Variants in RNF220 observed in about 807,000 individuals in gnomAD.
RNF220 encodes E3 ubiquitin-protein ligase RNF220.
RNF220 carries 7 observed loss-of-function variants against 67.1 expected under a neutral mutation model. The ratio of observed to expected loss-of-function variants is 0.10; its 90% CI spans 0.06 to 0.20. The LOEUF is 0.20. Among genes scored for constraint, RNF220 ranks in the 10% least tolerant of loss-of-function variants. The pLI is 1.00. For missense variants in RNF220, 565 were observed against 740.3 expected, an observed-to-expected ratio of 0.76 and a Z score of 2.75; for synonymous variants, 270 against 283.2, an observed-to-expected ratio of 0.95 and a Z score of 0.47.
intron 2 of RNF220, among the ~76,000 whole-genome samples, chr1:44,483,312 A>G (rs1482024012): frequency 1.3e-5 from 2 of 152,206 alleles, no homozygotes; most frequent in South Asian, 2.1e-4. Flanking sequence ...ACCTTGCTCA[A>G]TGTCAGAAGC....
At chr1:44,595,495 T>C (rs1353949624) in intron 2 of RNF220, among the ~76,000 whole-genome samples, 1 of 152,172 alleles carries the variant, frequency 6.6e-6, no homozygotes, top group African/African-American at 2.4e-5. Context: ...AGCAGGGTTG[T>C]GTGCAGGCTG....
At chr1:44,468,372 T>C (rs998798041) in intron 2 of RNF220, among the ~76,000 whole-genome samples, 2 of 152,160 alleles carry the variant, frequency 1.3e-5, no homozygotes, top group African/African-American at 4.8e-5. Context: ...GTCTCTGATA[T>C]ATCTTGTGTC....
chr1:44,583,336 C>T (rs747353746), intron 2 of RNF220, among the ~76,000 whole-genome samples: 1 of 152,124 alleles, frequency 6.6e-6, no homozygotes, highest in Non-Finnish European at 1.5e-5. Flanking sequence ...CAGCACAGTC[C>T]TTGCCCTTGG....
intron 2 of RNF220, among the ~76,000 whole-genome samples, chr1:44,559,782 C>T (rs1010154539): frequency 6.6e-6 from 1 of 152,236 alleles, no homozygotes; most frequent in African/African-American, 2.4e-5. Flanking sequence ...GGGGACTTGG[C>T]CCACTTTAGA....
Position 44,649,461 on chromosome 1 carries a change from T to C in RNF220, c.1446-200T>C. ...TATCTGGTGTAGAAATTCATCCGAA[T>C]GGGAATGGAGGAATAGAGAGGGTGA... On this transcript the variant is annotated intron_variant, in intron 12 of 14. Transcript: ENST00000361799. This position sits in a 1 kb window ranked among gnomAD's most constrained non-coding sequence, Gnocchi z 5.9. 1.7e-6 allele frequency: 1 copy of C among 597,438 alleles called. No individual in the cohort carries two copies. The highest frequency in any genetic ancestry group is 2.0e-5 in the South Asian group (1 of 50,212). 37.0% of individuals were successfully genotyped at this position (597,438 alleles called of 1,614,324 possible).
chr1:44,555,295 T>A lies in RNF220; in HGVS notation c.626-58870T>A, dbSNP rs1447833494. ...GTTGTTCAGGAATGTCTCGAACTCC[T>A]GGACTCAAGCGATTCTCCTGCCTTG... is the stretch of plus-strand genomic sequence containing the variant. On this transcript the variant is annotated intron_variant, in intron 2 of 14. Transcript: ENST00000361799. 1.3e-5 allele frequency among the ~76,000 whole-genome samples: 2 copies of A among 152,140 alleles called. 1 individual carries two copies. The highest frequency in any genetic ancestry group is 3.9e-4 in the East Asian group (2 of 5,182).
At chr1:44,471,324 G>A (rs558139661) in intron 2 of RNF220, among the ~76,000 whole-genome samples, 9 of 152,236 alleles carry the variant, frequency 5.9e-5, no homozygotes, top group African/African-American at 2.2e-4. Flanking sequence ...TACTCAGGAG[G>A]CTGAGGCGGG....
chr1:44,597,689 G>T (rs149896103), intron 2 of RNF220, among the ~76,000 whole-genome samples: 1 of 151,708 alleles, frequency 6.6e-6, no homozygotes, highest in African/African-American at 2.4e-5. Flanking sequence ...CGGCACACAC[G>T]CACCTCTCTG....
chr1:44,634,607 C>T (rs1644270815), intron 6 of RNF220, among the ~76,000 whole-genome samples: 2 of 152,222 alleles, frequency 1.3e-5, no homozygotes, highest in Non-Finnish European at 2.9e-5. Flanking sequence ...GAGTAGCCAT[C>T]TCTGATCCTG....
chr1:44,414,992 G>T (rs1473518221), intron 2 of RNF220, among the ~76,000 whole-genome samples: 3 of 149,654 alleles, frequency 2.0e-5, no homozygotes, highest in African/African-American at 7.4e-5. Context: ...CTACCCTGTG[G>T]TCACCCTGGA....
intron 2 of RNF220, among the ~76,000 whole-genome samples, chr1:44,564,185 G>T (rs1292103928): frequency 2.0e-5 from 3 of 152,186 alleles, no homozygotes; most frequent in Non-Finnish European, 4.4e-5. Flanking sequence ...AGCTATCAGA[G>T]AAATGTTTCT....
intron 2 of RNF220, among the ~76,000 whole-genome samples, chr1:44,474,976 T>C (rs886708721): frequency 1.3e-4 from 20 of 151,974 alleles, no homozygotes; most frequent in African/African-American, 4.1e-4. Flanking sequence ...AACGCAGTGA[T>C]ATACAATTGG....
intron 2 of RNF220, among the ~76,000 whole-genome samples, chr1:44,415,753 G>C (rs1015820905): frequency 6.6e-6 from 1 of 152,110 alleles, no homozygotes; most frequent in African/African-American, 2.4e-5. Context: ...TAGAGCAGAA[G>C]TTTTTATGAC....
chr1:44,449,135 A>G (rs1572535990), intron 2 of RNF220, among the ~76,000 whole-genome samples: 2 of 152,310 alleles, frequency 1.3e-5, no homozygotes, highest in South Asian at 4.1e-4. Context: ...AGTCTCGGAT[A>G]TTGGTTTTAG....
chr1:44,407,357 G>A (rs553776666), intron 1 of RNF220, among the ~76,000 whole-genome samples: 2 of 152,342 alleles, frequency 1.3e-5, no homozygotes, highest in South Asian at 4.1e-4. Flanking sequence ...TGGGCAGGGG[G>A]GCTTTGCCTT....
intron 2 of RNF220, among the ~76,000 whole-genome samples, chr1:44,509,233 CAACAA>C (rs1658718821): frequency 2.0e-5 from 3 of 152,108 alleles, no homozygotes; most frequent in Non-Finnish European, 4.4e-5. Flanking sequence ...TTTATCCGAG[CAACAA>C]GGAGGATGGT....
At position 44,624,169 on chromosome 1, in the gene RNF220, C is replaced by T. The variant is rs1343038003; in HGVS notation, c.804+1382C>T. Among the ~76,000 whole-genome samples the T allele has an allele frequency of 1.3e-5, 2 of 152,212 alleles. No individual in the cohort carries two copies. The highest frequency in any genetic ancestry group is 4.1e-4 in the South Asian group (2 of 4,836). On this transcript the variant is annotated intron_variant, in intron 4 of 14. Transcript: ENST00000361799. The surrounding 1 kb of genome is among the most constrained non-coding windows in gnomAD (Gnocchi z 4.2). ...AAGAGAAAGGGGAGGCTGGGGGTGC[C>T]AGGCAGCTGCAGACTCACAGAGGTA...
At chr1:44,520,505 T>C (rs1459902050) in intron 2 of RNF220, among the ~76,000 whole-genome samples, 1 of 152,104 alleles carries the variant, frequency 6.6e-6, no homozygotes, top group East Asian at 1.9e-4. Context: ...AGTTCTGACG[T>C]TCATGGGCAA....
intron 2 of RNF220, among the ~76,000 whole-genome samples, chr1:44,585,759 A>C (rs147989338): frequency 1.4e-4 from 21 of 152,226 alleles, no homozygotes; most frequent in African/African-American, 5.1e-4. Context: ...CAAGTTCCTT[A>C]ACCTCTCTCT....
Sources: gnomAD v4.1 joint callset for allele counts (sites outside exome capture counted in the v4.1 genomes callset) on GRCh38, gnomAD v4.1.1 for gene constraint, Gnocchi (gnomAD v3.1) non-coding constraint, MANE v1.5 for transcripts, NCBI Gene and HGNC (gene_info 2026-07-23, HGNC 2026-07-21) for gene names.